The following ZNF532 variants were observed in gnomAD, a reference collection of about 807,000 sequenced individuals.
ZNF532 encodes the protein zinc finger protein 532.
ZNF532 carries 22 observed loss-of-function variants against 89.3 expected under a neutral mutation model. That is an observed-to-expected ratio of 0.25 (90% CI 0.18 to 0.35). The LOEUF is 0.35. Ranked by LOEUF, ZNF532 falls within the 10% of genes least tolerant of loss-of-function variation. The pLI is 1.00. For missense variants in ZNF532, 1,132 were observed against 1,643.4 expected, an observed-to-expected ratio of 0.69 and a Z score of 5.38; for synonymous variants, 606 against 649.6, an observed-to-expected ratio of 0.93 and a Z score of 1.02.
chr18:58,934,459 G>A lies in ZNF532; in HGVS notation c.2373G>A (p.Leu791=), dbSNP rs762474822. The change falls in exon 4 of 10, where the codon CTG becomes CTA. Residue 791 remains leucine (L), a synonymous_variant. Transcript: ENST00000591808. ...GQKTCTICQM[L]LPNQCSYASH... ...AGACTTGCACTATCTGCCAGATGCT[G>A]CTTCCTAACCAGTGCAGTTATGCAT... 2 of 1,613,908 alleles carry A rather than the reference G, an allele frequency of 1.2e-6. No homozygotes were observed. The highest frequency in any genetic ancestry group is 1.7e-6 in the Non-Finnish European group (2 of 1,179,824).
chr18:58,969,392 C>G (rs1315107162), intron 7 of ZNF532, among the ~76,000 whole-genome samples: 2 of 152,170 alleles, frequency 1.3e-5, no homozygotes, highest in Non-Finnish European at 2.9e-5. Context: ...CATGTCTCCT[C>G]AAAACCAGTC....
At chr18:58,931,019 C>T (rs933957323) in intron 3 of ZNF532, among the ~76,000 whole-genome samples, 1 of 152,066 alleles carries the variant, frequency 6.6e-6, no homozygotes, top group African/African-American at 2.4e-5. Flanking sequence ...TCTAGTATTA[C>T]CTATTGAAAA....
chr18:58,942,349 C>CCTCCCTCCCTTCCTT (rs1568383305), intron 5 of ZNF532, among the ~76,000 whole-genome samples: 1 of 43,186 alleles, frequency 2.3e-5, no homozygotes, highest in Non-Finnish European at 4.1e-5. Flanking sequence ...CTCCCTCCCT[C>CCTCCCTCCCTTCCTT]CCTTCCTTCC....
intron 2 of ZNF532, among the ~76,000 whole-genome samples, chr18:58,881,951 C>T (rs968337716): frequency 1.3e-5 from 2 of 152,130 alleles, no homozygotes; most frequent in African/African-American, 4.8e-5. Context: ...AACCATCAAA[C>T]AAGGTTTTTT....
chr18:58,941,221 G>A (rs1210581723), intron 5 of ZNF532, among the ~76,000 whole-genome samples: 1 of 152,054 alleles, frequency 6.6e-6, no homozygotes, highest in Non-Finnish European at 1.5e-5. Context: ...AGTGTCTTCA[G>A]TTTTCAGGAC....
chr18:58,951,922 T>G (rs960446853), intron 6 of ZNF532, among the ~76,000 whole-genome samples: 4 of 152,352 alleles, frequency 2.6e-5, no homozygotes, highest in South Asian at 2.1e-4. Flanking sequence ...GTGCTGGGAT[T>G]ACAGGCGTGA....
intron 7 of ZNF532, among the ~76,000 whole-genome samples, chr18:58,963,604 TGTGTGTG>T (rs1395069124): frequency 1.6e-3 from 10 of 6,146 alleles, no homozygotes; most frequent in East Asian, 0.2. Flanking sequence ...AAGAAAAAAA[TGTGTGTG>T]TGTGTGTGTG....
intron 2 of ZNF532, among the ~76,000 whole-genome samples, chr18:58,911,221 G>A (rs1472890014): frequency 6.6e-6 from 1 of 152,204 alleles, no homozygotes; most frequent in Non-Finnish European, 1.5e-5. Context: ...TATGCCACTA[G>A]GCAAATGGGA....
chr18:58,957,137 A>T (rs1233781532), intron 7 of ZNF532, among the ~76,000 whole-genome samples: 1 of 152,162 alleles, frequency 6.6e-6, no homozygotes, highest in Non-Finnish European at 1.5e-5. Context: ...ACTGTATATG[A>T]AGTGATAAGT....
In ZNF532 at chr18:58,874,959, A is replaced by G. The variant is rs375818672; in HGVS notation, c.-18+9380A>G. 8.5e-5 allele frequency among the ~76,000 whole-genome samples: 13 copies of G among 152,300 alleles called. No individual in the cohort carries two copies. In the South Asian group the frequency reaches 2.7e-3, roughly 32 times the overall value. On this transcript the variant is annotated intron_variant, in intron 2 of 9. Transcript: ENST00000591808. ...TTTTATTTCTGGAACTACTCTGTTC[A>G]GTAGTGTGGTAGCCACTAGCCACAT...
chr18:58,934,414 C>T lies in ZNF532; in HGVS notation c.2347-19C>T. On this transcript the variant is annotated intron_variant, in intron 3 of 9. Transcript: ENST00000591808. ...GTACTTAGTAGGACCAACCCTGTTT[C>T]CCCCTTTGGTTTGTTTAGAAGACTT... The T allele has an allele frequency of 1.2e-6, 2 of 1,609,144 alleles. No individual in the cohort carries two copies. The highest frequency in any genetic ancestry group is 8.5e-7 in the Non-Finnish European group (1 of 1,176,750).
chr18:58,948,684 C>T (rs1225405745), intron 6 of ZNF532, among the ~76,000 whole-genome samples: 2 of 151,686 alleles, frequency 1.3e-5, no homozygotes, highest in African/African-American at 2.4e-5. Flanking sequence ...TCTCCTGCCT[C>T]AGCCTCCCGA....
chr18:58,966,100 C>A (rs985611780), intron 7 of ZNF532, among the ~76,000 whole-genome samples: 6 of 152,116 alleles, frequency 3.9e-5, no homozygotes, highest in African/African-American at 1.4e-4. Context: ...GTTACCTTCA[C>A]ACTTACATAC....
Position 58,937,108 on chromosome 18 carries a change from G to A in ZNF532, c.2529-2337G>A, listed in dbSNP as rs139356039. Among the ~76,000 whole-genome samples, 471 of 152,152 alleles carry A rather than the reference G, an allele frequency of 3.1e-3. 3 individuals are homozygous for A. Among genetic ancestry groups the A allele is most frequent in the Admixed American group, 0.011 (168 of 15,288 alleles). On this transcript the variant is annotated intron_variant, in intron 4 of 9. Coordinates refer to ENST00000591808, the MANE Select transcript of ZNF532 (RefSeq NM_001375912.1). ...TTCCTGCCTCTTGATACACTGGACT[G>A]TATATCTAGAAAGGGGAATGGTTAT...
At chr18:58,935,086 CCTCCTCCCCA>C (rs1156580255) in intron 4 of ZNF532, among the ~76,000 whole-genome samples, 1 of 143,484 alleles carries the variant, frequency 7.0e-6, no homozygotes, top group Middle Eastern at 3.8e-3. Flanking sequence ...ATAACCTTCT[CCTCCTCCCCA>C]CTCCTCCTCC....
At chr18:58,888,825 AAATT>A (rs2058609242) in intron 2 of ZNF532, among the ~76,000 whole-genome samples, 1 of 45,336 alleles carries the variant, frequency 2.2e-5, no homozygotes, top group Non-Finnish European at 3.4e-5. Flanking sequence ...TTATATATAT[AAATT>A]ATATATATAA....
At chr18:58,871,099 G>A (rs1033299905) in intron 2 of ZNF532, among the ~76,000 whole-genome samples, 1 of 152,158 alleles carries the variant, frequency 6.6e-6, no homozygotes, top group Non-Finnish European at 1.5e-5. Flanking sequence ...AAGCGGCAGG[G>A]GTGGCTGAAG....
chr18:58,965,023 T>A (rs12955665), intron 7 of ZNF532, among the ~76,000 whole-genome samples: 6 of 148,810 alleles, frequency 4.0e-5, no homozygotes, highest in Admixed American at 1.3e-4. Context: ...TTTTTAATAC[T>A]AACTTTTATT....
At chr18:58,939,034 G>A (rs1478277486) in intron 4 of ZNF532, among the ~76,000 whole-genome samples, 2 of 151,964 alleles carry the variant, frequency 1.3e-5, no homozygotes, top group African/African-American at 4.8e-5. Context: ...ATCACTTGAG[G>A]CTAGGAGTTT....
Sources: allele counts gnomAD v4.1 joint callset (sites outside exome capture counted in the v4.1 genomes callset), GRCh38; gene constraint gnomAD v4.1.1; transcripts MANE v1.5; gene names NCBI Gene and HGNC (gene_info 2026-07-23, HGNC 2026-07-21).